Variants in SNTG2 observed in about 807,000 individuals in gnomAD.
SNTG2 encodes gamma-2-syntrophin.
A neutral mutation model predicts 70.9 loss-of-function variants in SNTG2; 74 were observed. The observed-to-expected ratio is 1.04, with a 90% CI of 0.86 to 1.27. The LOEUF is 1.27. Among genes scored for constraint, SNTG2 ranks in the 50% most tolerant of loss-of-function variants. SNTG2 has a pLI of 0.00. For synonymous variants in SNTG2, 278 were observed against 273.8 expected (o/e 1.02, Z -0.15); for missense variants, 717 against 690.7 (o/e 1.04, Z -0.43).
chr2:1,208,613 A>G (rs553067300), intron 8 of SNTG2, among the ~76,000 whole-genome samples: 11 of 151,842 alleles, frequency 7.2e-5, no homozygotes, highest in Admixed American at 2.6e-4. Context: ...AGGCCTCACC[A>G]CTTTTCCATC....
At chr2:1,165,888 A>G (rs757859727) in intron 7 of SNTG2, among the ~76,000 whole-genome samples, 13 of 152,216 alleles carry the variant, frequency 8.5e-5, no homozygotes, top group Non-Finnish European at 1.3e-4. Flanking sequence ...TCACTTAACT[A>G]CATGCTCGTT....
At chr2:1,087,158 C>T (rs1032965516) in intron 2 of SNTG2, among the ~76,000 whole-genome samples, 4 of 152,104 alleles carry the variant, frequency 2.6e-5, no homozygotes, top group African/African-American at 7.2e-5. Flanking sequence ...TTTAGATGGC[C>T]GACAGATAGC....
chr2:1,126,698 G>A (rs1274517998), intron 4 of SNTG2, among the ~76,000 whole-genome samples: 1 of 151,928 alleles, frequency 6.6e-6, no homozygotes, highest in Non-Finnish European at 1.5e-5. Context: ...TCTTATTGTG[G>A]TTTTTATTTG....
In SNTG2 at chr2:1,351,375, G is replaced by A. The variant is rs566656108; in HGVS notation, c.1489-15968G>A. Among the ~76,000 whole-genome samples, 7 of 152,232 alleles carry A rather than the reference G, an allele frequency of 4.6e-5. No homozygotes were observed. In the East Asian group the frequency reaches 1.4e-3, roughly 29 times the overall value. ...TGAGGGTATAAATAACATTTATGAA[G>A]ATATAATTCCATTATTTGCTGAAGG... On this transcript the variant is annotated intron_variant, in intron 16 of 16. Transcript: ENST00000308624.
intron 1 of SNTG2, among the ~76,000 whole-genome samples, chr2:1,005,965 G>A (rs1014139914): frequency 2.0e-5 from 3 of 149,706 alleles, no homozygotes; most frequent in African/African-American, 7.4e-5. Context: ...TATGGAGGAA[G>A]CCAAGATAAA....
intron 14 of SNTG2, among the ~76,000 whole-genome samples, chr2:1,292,669 A>G (rs1302357914): frequency 6.6e-6 from 1 of 152,170 alleles, no homozygotes; most frequent in Non-Finnish European, 1.5e-5. Flanking sequence ...TCTATGTCAA[A>G]CCATCCTTTC....
chr2:1,222,397 G>A (rs1317856341), intron 9 of SNTG2, among the ~76,000 whole-genome samples: 2 of 152,254 alleles, frequency 1.3e-5, no homozygotes, highest in Non-Finnish European at 2.9e-5. Flanking sequence ...TTTCCTTTGT[G>A]TGTGGAGATT....
Position 1,208,282 on chromosome 2 carries a change from C to T in SNTG2, c.592-821C>T, listed in dbSNP as rs1294447757. Among the ~76,000 whole-genome samples the T allele has an allele frequency of 9.3e-5, 7 of 75,146 alleles. No homozygotes were observed. In the Admixed American group the frequency reaches 1.2e-3, roughly 13 times the overall value. 49.3% of individuals were successfully genotyped at this position (75,146 alleles called of 152,430 possible). A position where few individuals can be genotyped will look rare whatever the true frequency, so the allele number is the denominator to read the frequency against. ...GAGGCACGCCCATGAGTGTGGGGCA[C>T]ACCTGTGAGTGTGAGGCACATCTGT... is the stretch of plus-strand genomic sequence containing the variant. On this transcript the variant is annotated intron_variant, in intron 8 of 16. Transcript: ENST00000308624.
At chr2:1,281,941 C>T (rs1004869683) in intron 14 of SNTG2, among the ~76,000 whole-genome samples, 1 of 152,148 alleles carries the variant, frequency 6.6e-6, no homozygotes, top group Non-Finnish European at 1.5e-5. Flanking sequence ...GGGCTCACGG[C>T]CGAGCCTTGT....
intron 1 of SNTG2, among the ~76,000 whole-genome samples, chr2:1,070,745 T>C (rs1470410617): frequency 6.6e-6 from 1 of 152,212 alleles, no homozygotes; most frequent in East Asian, 1.9e-4. Flanking sequence ...TCTTATCAGC[T>C]CTGTTGAGCC....
chr2:1,064,652 A>G lies in SNTG2; in HGVS notation c.73-18866A>G, dbSNP rs140978566. On this transcript the variant is annotated intron_variant, in intron 1 of 16. Coordinates refer to ENST00000308624, the MANE Select transcript of SNTG2 (RefSeq NM_018968.4). ...AAAGCTTTTATTCTCAGCTAGAGAA[A>G]CTGTTAGGAAATTTTAAGAATCTAC... Among the ~76,000 whole-genome samples, 1,220 of 152,270 alleles carry G rather than the reference A, an allele frequency of 8.0e-3. 11 individuals are homozygous for G. The highest frequency in any genetic ancestry group is 0.014 in the Non-Finnish European group (967 of 68,024).
Position 1,259,390 on chromosome 2 carries a change from G to A in SNTG2, c.1026G>A (p.Val342=), listed in dbSNP as rs1678295399. 1 of 1,613,918 alleles carries A rather than the reference G, an allele frequency of 6.2e-7. No individual in the cohort carries two copies. The highest frequency in any genetic ancestry group is 8.5e-7 in the Non-Finnish European group (1 of 1,179,908). ...TGCAGGTGAGCACATTCGATTGGGT[G>A]CGAGCAGAAAGGACCTATCACCTCT... ...STPPVSTFDW[V]RAERTYHLCE... Residue 342 remains valine, a synonymous_variant, in exon 13 of 17, where the codon GTG becomes GTA. Coordinates refer to ENST00000308624, the MANE Select transcript of SNTG2 (RefSeq NM_018968.4).
intron 16 of SNTG2, among the ~76,000 whole-genome samples, chr2:1,361,345 T>TGA (rs1553287182): frequency 1.3e-5 from 2 of 149,642 alleles, no homozygotes; most frequent in East Asian, 3.9e-4. Context: ...TTGACCCATT[T>TGA]AAAAAAAAAA....
rs1007575931 is a variant in SNTG2 at position 1,098,437 on chromosome 2, A to G, written c.325+27A>G. On this transcript the variant is annotated intron_variant, in intron 4 of 16. Coordinates refer to ENST00000308624, the MANE Select transcript of SNTG2 (RefSeq NM_018968.4). ...TAAAAACAGCCAAAATGACCTGTGTATGCATCACAGCCATTTGTGAGATAA... is the reference window on the plus strand; with the variant it reads ...TAAAAACAGCCAAAATGACCTGTGTGTGCATCACAGCCATTTGTGAGATAA... The G allele has an allele frequency of 1.9e-6, 3 of 1,605,984 alleles. No homozygotes were observed. The African/African-American group carries it at 4.0e-5, about 21-fold the overall frequency.
At position 1,247,334 on chromosome 2, in the gene SNTG2, A is replaced by T. The variant is rs1181200297; in HGVS notation, c.896A>T (p.His299Leu). Residue 299 changes from histidine (H) to leucine (L), a missense_variant, in exon 12 of 17, where the codon CAT becomes CTT. Physicochemically the swap from His to Leu is moderately conservative, Grantham distance 99. Coordinates refer to ENST00000308624, the MANE Select transcript of SNTG2 (RefSeq NM_018968.4). ...ATTTTCACCCCTCTGCAGGTTGTGC[A>T]TATGGGGTGGGTAAATGAGAAACTC... ...KCCSPSDQVV[H>L]MGWVNEKLQG... 12 of 1,610,196 alleles carry T rather than the reference A, an allele frequency of 7.5e-6. No individual in the cohort carries two copies. The highest frequency in any genetic ancestry group is 8.5e-6 in the Non-Finnish European group (10 of 1,176,740).
chr2:1,105,494 G>A (rs556122727), intron 4 of SNTG2, among the ~76,000 whole-genome samples: 2 of 152,172 alleles, frequency 1.3e-5, no homozygotes, highest in Non-Finnish European at 2.9e-5. Context: ...AACCACACAC[G>A]TACGTGCTCC....
chr2:1,238,058 C>A, intron 10 of SNTG2, 41 bp downstream of exon 10: 1 of 1,573,164 alleles, frequency 6.4e-7, no homozygotes, highest in Non-Finnish European at 8.7e-7. Context: ...GATGCTCATT[C>A]GTGCATGAAA....
intron 6 of SNTG2, among the ~76,000 whole-genome samples, chr2:1,162,777 T>C (rs557365210): frequency 6.7e-6 from 1 of 150,132 alleles, no homozygotes; most frequent in East Asian, 1.9e-4. Flanking sequence ...CAGGATCTTG[T>C]GCGGGGGGAG....
chr2:1,264,580 C>T (rs1023063381), intron 13 of SNTG2, among the ~76,000 whole-genome samples: 2 of 152,324 alleles, frequency 1.3e-5, no homozygotes, highest in South Asian at 2.1e-4. Flanking sequence ...AGGTCTGCAG[C>T]GTGGTTGCCA....
Sources: allele counts gnomAD v4.1 joint callset (sites outside exome capture counted in the v4.1 genomes callset), GRCh38; gene constraint gnomAD v4.1.1; transcripts MANE v1.5; gene names NCBI Gene and HGNC (gene_info 2026-07-23, HGNC 2026-07-21).